Variants in ZNF280C observed in about 807,000 individuals in gnomAD.
ZNF280C encodes the protein suppressor of hairy wing homolog 3.
In ZNF280C, 14 loss-of-function variants were observed where a neutral mutation model predicts 53.6. The observed-to-expected ratio is 0.26, with a 90% CI of 0.17 to 0.41. The LOEUF is 0.41. Ranked by LOEUF, ZNF280C falls within the 10% of genes least tolerant of loss-of-function variation. ZNF280C has a pLI of 1.00. For missense variants in ZNF280C, 416 were observed against 547.1 expected, an observed-to-expected ratio of 0.76 and a Z score of 2.39; for synonymous variants, 203 against 181.1, an observed-to-expected ratio of 1.12 and a Z score of -0.97.
chrX:130,268,439 C>G (rs2032713907), intron 1 of ZNF280C, among the ~76,000 whole-genome samples: 1 of 112,161 alleles, frequency 8.9e-6, no homozygotes. Flanking sequence ...AAAGCCCAAA[C>G]CGGGTTGGAA....
In ZNF280C at chrX:130,227,791, G is replaced by T; in HGVS notation, c.1148-9C>A. 1 of 1,012,853 alleles carries T rather than the reference G, an allele frequency of 9.9e-7. No individual in the cohort carries two copies. Among genetic ancestry groups the T allele is most frequent in the Non-Finnish European group, 1.4e-6 (1 of 724,314 alleles). The allele number at this position is 1,012,853 out of a possible 1,213,427, so 83.5% of individuals were successfully genotyped here. A position where few individuals can be genotyped will look rare whatever the true frequency, so the allele number is the denominator to read the frequency against. ...ACAGATTTTGCAAATAGCTGAAAGT[G>T]GAAAAAAACACATTATACCATTTAA... On this transcript the variant is annotated splice_polypyrimidine_tract_variant and intron_variant, in intron 10 of 18. Transcript: ENST00000370978.
chrX:130,227,325 C>T (rs1263014030), intron 11 of ZNF280C, among the ~76,000 whole-genome samples: 2 of 112,243 alleles, frequency 1.8e-5, no homozygotes, highest in East Asian at 5.6e-4. Context: ...AATTCTGGAA[C>T]ACTGATCCCA....
At chrX:130,243,972 T>A in intron 3 of ZNF280C, 107 bp from the exon 4 acceptor site, 1 of 490,573 alleles carries the variant, frequency 2.0e-6, no homozygotes, top group Non-Finnish European at 3.1e-6. Context: ...TGAAGTATAT[T>A]TCTTTCCTTT....
intron 2 of ZNF280C, among the ~76,000 whole-genome samples, chrX:130,247,258 AC>A (rs1295340780): frequency 5.4e-5 from 6 of 110,814 alleles, no homozygotes; most frequent in Non-Finnish European, 1.1e-4. Context: ...ACAGGCGCCC[AC>A]TGCTACGCCC....
At chrX:130,248,799 A>G (rs1255117149) in intron 2 of ZNF280C, among the ~76,000 whole-genome samples, 1 of 111,997 alleles carries the variant, frequency 8.9e-6, no homozygotes, top group African/African-American at 3.2e-5. Flanking sequence ...CCACCTGCTC[A>G]TTCTCCCCAC....
At chrX:130,246,352 T>C (rs1313137851) in intron 3 of ZNF280C, among the ~76,000 whole-genome samples, 1 of 112,425 alleles carries the variant, frequency 8.9e-6, no homozygotes, top group Non-Finnish European at 1.9e-5. Flanking sequence ...TCTATAATCA[T>C]GCAGCACCTA....
intron 1 of ZNF280C, among the ~76,000 whole-genome samples, chrX:130,262,393 A>C (rs1316155705): frequency 8.9e-6 from 1 of 112,647 alleles, no homozygotes; most frequent in Non-Finnish European, 1.9e-5. Flanking sequence ...CGTCAAAAGA[A>C]TACTACCATA....
chrX:130,241,350 C>T lies in ZNF280C; in HGVS notation c.382-1657G>A, dbSNP rs510880. Among the ~76,000 whole-genome samples, 477 of 112,498 alleles carry T rather than the reference C, an allele frequency of 4.2e-3. 3 individuals carry two copies. Among genetic ancestry groups the T allele is most frequent in the African/African-American group, 0.015 (465 of 31,028 alleles). On this transcript the variant is annotated intron_variant, in intron 5 of 18. Coordinates refer to ENST00000370978, the MANE Select transcript of ZNF280C (RefSeq NM_017666.5). ...CTTGGAGAGTTTTACAATGTCAACA[C>T]AGTGAAGAGCACAAATGTCTACGAC...
chrX:130,220,264 T>G, intron 13 of ZNF280C, 85 bp downstream of exon 13: 1 of 875,000 alleles, frequency 1.1e-6, no homozygotes, highest in South Asian at 4.0e-5. Flanking sequence ...CTAGATCTTA[T>G]TCCTTCTATC....
At chrX:130,213,510 G>T (rs1368434406) in intron 15 of ZNF280C, among the ~76,000 whole-genome samples, 4 of 112,455 alleles carry the variant, frequency 3.6e-5, no homozygotes. Flanking sequence ...CATCAAAAAG[G>T]ATAAAAGATG....
chrX:130,206,899 C>T (rs1879326845), intron 16 of ZNF280C, among the ~76,000 whole-genome samples: 2 of 112,204 alleles, frequency 1.8e-5, no homozygotes, highest in African/African-American at 6.5e-5. Flanking sequence ...AACGATTTAT[C>T]GAGTACTTAC....
chrX:130,248,873 C>G (rs1052266014), intron 2 of ZNF280C, among the ~76,000 whole-genome samples: 4 of 112,439 alleles, frequency 3.6e-5, no homozygotes, highest in Non-Finnish European at 7.5e-5. Flanking sequence ...CGTATGTGCG[C>G]AAGTGGATCT....
intron 8 of ZNF280C, among the ~76,000 whole-genome samples, chrX:130,235,312 C>T (rs2032318977): frequency 8.9e-6 from 1 of 112,027 alleles, no homozygotes; most frequent in Admixed American, 9.5e-5. Context: ...GCCAGGAGTT[C>T]GAGACCAGTC....
In ZNF280C at chrX:130,236,259, G is replaced by A. The variant is rs2032331595; in HGVS notation, c.726C>T (p.Cys242=). The change falls in exon 8 of 19, where the codon TGC becomes TGT. Residue 242 remains cysteine (C), a synonymous_variant. Transcript: ENST00000370978. ...GADYLRACPK[C]NVQFNLLDPL... ...GATCCAAAAGATTGAACTGAACATT[G>A]CACTTTGGACAAGCTCTTAGGTAAT... 1 of 1,207,734 alleles carries A rather than the reference G, an allele frequency of 8.3e-7. No individual in the cohort carries two copies. Among genetic ancestry groups the A allele is most frequent in the Non-Finnish European group, 1.1e-6 (1 of 893,452 alleles).
At chrX:130,263,185 C>A (rs762692436) in intron 1 of ZNF280C, among the ~76,000 whole-genome samples, 2 of 112,302 alleles carry the variant, frequency 1.8e-5, no homozygotes, top group Admixed American at 1.9e-4. Context: ...AGAGTTATCA[C>A]ATGACCTAGC....
chrX:130,233,240 G>C (rs2032296254), intron 8 of ZNF280C, among the ~76,000 whole-genome samples: 1 of 111,210 alleles, frequency 9.0e-6, no homozygotes, highest in African/African-American at 3.3e-5. Context: ...AGGTATGTAG[G>C]TTCAGTTATT....
At position 130,223,834 on chromosome X, in the gene ZNF280C, A is replaced by G. The variant is rs189889428; in HGVS notation, c.1395+2925T>C. ...AAGAATAAAATAAACCATAGAGTCA[A>G]TAATTCTTATTACATAAAATTGCAC... On this transcript the variant is annotated intron_variant, in intron 12 of 18. Transcript: ENST00000370978. 2.6e-3 allele frequency among the ~76,000 whole-genome samples: 297 copies of G among 112,505 alleles called. 1 individual carries two copies. The highest frequency in any genetic ancestry group is 2.2e-3 in the Admixed American group (23 of 10,603).
intron 16 of ZNF280C, among the ~76,000 whole-genome samples, chrX:130,207,373 T>G (rs1338481031): frequency 9.0e-6 from 1 of 111,683 alleles, no homozygotes; most frequent in Non-Finnish European, 1.9e-5. Context: ...TCTTTTTTTA[T>G]TTTTGGAATG....
intron 2 of ZNF280C, among the ~76,000 whole-genome samples, chrX:130,251,202 G>A (rs1027766965): frequency 9.9e-6 from 1 of 101,370 alleles, no homozygotes; most frequent in African/African-American, 3.7e-5. Flanking sequence ...AATCACCTGA[G>A]CCCCAGGAGA....
Sources: allele counts gnomAD v4.1 joint callset (sites outside exome capture counted in the v4.1 genomes callset), GRCh38; gene constraint gnomAD v4.1.1; transcripts MANE v1.5; gene names NCBI Gene and HGNC (gene_info 2026-07-23, HGNC 2026-07-21).